The following MAP3K4 variants were observed in gnomAD, a reference collection of about 807,000 sequenced individuals.
MAP3K4 encodes the protein mitogen-activated protein kinase kinase kinase 4, also known as MAP three kinase 1.
A neutral mutation model predicts 185.6 loss-of-function variants in MAP3K4; 67 were observed. That is an observed-to-expected ratio of 0.36 (90% CI 0.30 to 0.44). The LOEUF is 0.44. Among genes scored for constraint, MAP3K4 ranks in the 20% least tolerant of loss-of-function variants. The pLI is 1.00. For missense variants in MAP3K4, 1,551 were observed against 1,995.1 expected (o/e 0.78, Z 4.24); for synonymous variants, 702 against 710.4 (o/e 0.99, Z 0.19).
rs1456455860 is a variant in MAP3K4, at chr6:161,064,129, A to G, written c.1708-6479A>G. Among the ~76,000 whole-genome samples the G allele has an allele frequency of 6.6e-6, 1 of 152,166 alleles. No homozygotes were observed. Among genetic ancestry groups the G allele is most frequent in the African/African-American group, 2.4e-5 (1 of 41,422 alleles). Reference sequence around the variant, plus strand: ...CTTTTTTTCAGTTTGACCTGTACTAAATTGCCAGTATTTGACCATTTTCAA... The same window carrying G: ...CTTTTTTTCAGTTTGACCTGTACTAGATTGCCAGTATTTGACCATTTTCAA... On this transcript the variant is annotated intron_variant, in intron 3 of 26. Coordinates refer to ENST00000392142, the MANE Select transcript of MAP3K4 (RefSeq NM_005922.4). The surrounding 1 kb of genome is among the most constrained non-coding windows in gnomAD (Gnocchi z 4.3).
rs532141185 is a variant in MAP3K4 at position 161,008,290 on chromosome 6, T to A, written c.152+16207T>A. Among the ~76,000 whole-genome samples, 7 of 152,326 alleles carry A rather than the reference T, an allele frequency of 4.6e-5. No individual in the cohort carries two copies. Among genetic ancestry groups the A allele is most frequent in the Admixed American group, 1.3e-4 (2 of 15,302 alleles). ...CTTAGGATGTTTCTGTTTCTTTTAC[T>A]GTTATGAATGAGGTTAAAAGCATTG... On this transcript the variant is annotated intron_variant, in intron 1 of 26. Coordinates refer to ENST00000392142, the MANE Select transcript of MAP3K4 (RefSeq NM_005922.4). The surrounding 1 kb of genome is among the most constrained non-coding windows in gnomAD (Gnocchi z 4.1).
rs201153981 is a variant in MAP3K4 at position 161,056,354 on chromosome 6, C to T, written c.1707+6375C>T. ...GGTGTGTTCGGTGCTGTTGGGGTGT[C>T]ATTGCTTTTAGGCCTTCTCAGTGAT... is the stretch of plus-strand genomic sequence containing the variant. On this transcript the variant is annotated intron_variant, in intron 3 of 26. Transcript: ENST00000392142. The surrounding 1 kb of genome is among the most constrained non-coding windows in gnomAD (Gnocchi z 5.4). Among the ~76,000 whole-genome samples, 15 of 152,202 alleles carry T rather than the reference C, an allele frequency of 9.9e-5. No homozygotes were observed. In the East Asian group the frequency reaches 2.9e-3, roughly 29 times the overall value.
intron 25 of MAP3K4, among the ~76,000 whole-genome samples, chr6:161,113,883 C>T (rs953470993): frequency 3.4e-5 from 5 of 148,068 alleles, no homozygotes; most frequent in African/African-American, 1.0e-4. Flanking sequence ...CTGCAACCTC[C>T]GCCTCCCGGG....
At chr6:161,078,667 G>T (rs1406661417) in intron 5 of MAP3K4, among the ~76,000 whole-genome samples, 1 of 152,178 alleles carries the variant, frequency 6.6e-6, no homozygotes, top group Non-Finnish European at 1.5e-5. Context: ...AGTGGAGAAA[G>T]GGCCACTGGA....
At chr6:161,000,725 A>G (rs1310456904) in intron 1 of MAP3K4, among the ~76,000 whole-genome samples, 1 of 150,828 alleles carries the variant, frequency 6.6e-6, no homozygotes, top group Non-Finnish European at 1.5e-5. Context: ...ATATATACAC[A>G]CACATACACA....
At chr6:161,015,840 C>G (rs1413414114) in intron 1 of MAP3K4, among the ~76,000 whole-genome samples, 2 of 152,122 alleles carry the variant, frequency 1.3e-5, no homozygotes. Context: ...CAGACTCCTC[C>G]CATTAGTACC....
At chr6:161,069,396 C>T (rs750830182) in intron 3 of MAP3K4, among the ~76,000 whole-genome samples, 7 of 152,046 alleles carry the variant, frequency 4.6e-5, no homozygotes, top group Non-Finnish European at 5.9e-5. Context: ...AATAAAGAGG[C>T]GAGCATTTCC....
chr6:161,095,648 T>C lies in MAP3K4; in HGVS notation c.3428-1432T>C, dbSNP rs1372466644. 3.9e-5 allele frequency among the ~76,000 whole-genome samples: 6 copies of C among 152,336 alleles called. No homozygotes were observed. The South Asian group carries it at 1.2e-3, about 32-fold the overall frequency. On this transcript the variant is annotated intron_variant, in intron 15 of 26. Coordinates refer to ENST00000392142, the MANE Select transcript of MAP3K4 (RefSeq NM_005922.4). ...ATGTCTCCAAGTCAACAGGTATTGA[T>C]CTCACTTGTTCTTTTCATTGGCCAC...
intron 15 of MAP3K4, among the ~76,000 whole-genome samples, chr6:161,094,673 A>G (rs887982030): frequency 6.6e-6 from 1 of 152,244 alleles, no homozygotes; most frequent in African/African-American, 2.4e-5. Context: ...TGCTGGCTGC[A>G]GAAAATTCAG....
At chr6:161,069,188 C>T (rs3757020) in intron 3 of MAP3K4, among the ~76,000 whole-genome samples, 2,988 of 152,260 alleles carry the variant, frequency 0.02, 35 homozygotes, top group Non-Finnish European at 0.029. Flanking sequence ...AGAATCACAT[C>T]GCTAATTGAC....
At chr6:161,005,868 A>G (rs186750383) in intron 1 of MAP3K4, among the ~76,000 whole-genome samples, 3,413 of 150,322 alleles carry the variant, frequency 0.023, 126 homozygotes, top group African/African-American at 0.079. Flanking sequence ...GCTCACTGCA[A>G]CCTCTGCCTC....
chr6:161,035,923 C>T (rs1323092028), intron 2 of MAP3K4, among the ~76,000 whole-genome samples: 1 of 152,170 alleles, frequency 6.6e-6, no homozygotes, highest in African/African-American at 2.4e-5. Context: ...GGCTTCAGAG[C>T]AAATCTTTTT....
In MAP3K4 at chr6:161,102,697, A is replaced by G; in HGVS notation, c.3776-2A>G. On this transcript the variant is annotated splice_acceptor_variant, in intron 18 of 26. Coordinates refer to ENST00000392142, the MANE Select transcript of MAP3K4 (RefSeq NM_005922.4). LOFTEE classifies it high-confidence loss of function. ...AATTTGTATAAAAATAACTTCCTGC[A>G]GAACCAGCATATCCAAGAGGAGATT... is the stretch of plus-strand genomic sequence containing the variant. The G allele has an allele frequency of 6.4e-7, 1 of 1,564,814 alleles. No homozygotes were observed. The highest frequency in any genetic ancestry group is 8.6e-7 in the Non-Finnish European group (1 of 1,160,552).
intron 1 of MAP3K4, among the ~76,000 whole-genome samples, chr6:160,995,709 T>C (rs1780956327): frequency 6.6e-6 from 1 of 152,236 alleles, no homozygotes; most frequent in Non-Finnish European, 1.5e-5. Context: ...CATTTCTTTT[T>C]CAAGCTTCTG....
At position 161,086,672 on chromosome 6, in the gene MAP3K4, G is replaced by A; in HGVS notation, c.2556+5G>A. 1 of 1,605,190 alleles carries A rather than the reference G, an allele frequency of 6.2e-7. No individual in the cohort carries two copies. The highest frequency in any genetic ancestry group is 8.5e-7 in the Non-Finnish European group (1 of 1,176,962). On this transcript the variant is annotated splice_donor_5th_base_variant and intron_variant, in intron 9 of 26. Coordinates refer to ENST00000392142, the MANE Select transcript of MAP3K4 (RefSeq NM_005922.4). The surrounding 1 kb of genome is among the most constrained non-coding windows in gnomAD (Gnocchi z 4.8). ...AAATCAAAACAGTATGTCAAGGTAA[G>A]TACTTCAAATGTTGTGATTGAAACA...
chr6:161,016,821 C>G (rs1001146187), intron 1 of MAP3K4, among the ~76,000 whole-genome samples: 2 of 152,182 alleles, frequency 1.3e-5, no homozygotes, highest in Non-Finnish European at 2.9e-5. Flanking sequence ...TATCTTTAAA[C>G]GCCTTGTATT....
In MAP3K4 at chr6:161,109,584, G is replaced by A. The variant is rs774605995; in HGVS notation, c.4237-171G>A. ...GAGGCAGGCAGACACCTCTATAGAGGACTTAGAAACGACTGTTGTGAGACA... is the reference window on the plus strand; with the variant it reads ...GAGGCAGGCAGACACCTCTATAGAGAACTTAGAAACGACTGTTGTGAGACA... On this transcript the variant is annotated intron_variant, in intron 22 of 26. Coordinates refer to ENST00000392142, the MANE Select transcript of MAP3K4 (RefSeq NM_005922.4). This position sits in a 1 kb window ranked among gnomAD's most constrained non-coding sequence, Gnocchi z 5.7. Among the ~76,000 whole-genome samples, 1 of 152,120 alleles carries A rather than the reference G, an allele frequency of 6.6e-6. No individual in the cohort carries two copies. Among genetic ancestry groups the A allele is most frequent in the Non-Finnish European group, 1.5e-5 (1 of 68,024 alleles).
At chr6:161,041,163 A>T (rs1190738088) in intron 2 of MAP3K4, among the ~76,000 whole-genome samples, 2 of 152,210 alleles carry the variant, frequency 1.3e-5, no homozygotes, top group Non-Finnish European at 2.9e-5. Flanking sequence ...AAGGAATAGC[A>T]GGAGGACCAG....
chr6:161,097,208 C>G lies in MAP3K4; in HGVS notation c.3524+32C>G, dbSNP rs1554285556. The G allele has an allele frequency of 1.9e-6, 3 of 1,580,680 alleles. No individual in the cohort carries two copies. The highest frequency in any genetic ancestry group is 2.6e-6 in the Non-Finnish European group (3 of 1,149,962). Reference sequence around the variant, plus strand: ...GGTGCTTATCTAGTCATTTGCTTTACAGAGTGCCCTCCGATATGCATGCTC... The same window carrying G: ...GGTGCTTATCTAGTCATTTGCTTTAGAGAGTGCCCTCCGATATGCATGCTC... On this transcript the variant is annotated intron_variant, in intron 16 of 26. Coordinates refer to ENST00000392142, the MANE Select transcript of MAP3K4 (RefSeq NM_005922.4). The surrounding 1 kb of genome is among the most constrained non-coding windows in gnomAD (Gnocchi z 4.9).
Sources: gnomAD v4.1 joint callset for allele counts (sites outside exome capture counted in the v4.1 genomes callset) on GRCh38, gnomAD v4.1.1 for gene constraint, Gnocchi (gnomAD v3.1) non-coding constraint, MANE v1.5 for transcripts, NCBI Gene and HGNC (gene_info 2026-07-23, HGNC 2026-07-21) for gene names.